The following DGKE variants were observed in gnomAD, a reference collection of about 807,000 sequenced individuals.
DGKE encodes the protein DAG kinase epsilon.
A neutral mutation model predicts 70.0 loss-of-function variants in DGKE; 53 were observed. The observed-to-expected ratio is 0.76, with a 90% CI of 0.61 to 0.95. DGKE has a LOEUF of 0.95. DGKE is among the 40% of genes least tolerant of loss of function. The pLI is 0.00. For missense variants in DGKE, 655 were observed against 706.9 expected (o/e 0.93, Z 0.83); for synonymous variants, 291 against 257.0 (o/e 1.13, Z -1.27).
rs546899197 is a variant in DGKE at position 56,849,947 on chromosome 17, G to A, written c.1098+715G>A. 8.5e-5 allele frequency among the ~76,000 whole-genome samples: 13 copies of A among 152,236 alleles called. No individual in the cohort carries two copies. The East Asian group carries it at 2.5e-3, about 29-fold the overall frequency. On this transcript the variant is annotated intron_variant, in intron 7 of 11. Transcript: ENST00000284061. The stretch of plus-strand genomic sequence containing the variant: ...TGAGGAATCTAGACTGGGTTAGGAA[G>A]TAAAATAAACTGGGGAGGGGGCAGG...
chr17:56,848,936 G>A (rs778291436), intron 6 of DGKE, 83 bp downstream of exon 6: 23 of 1,566,098 alleles, frequency 1.5e-5, no homozygotes, highest in Non-Finnish European at 1.8e-5. Context: ...TAGATGAAAT[G>A]TGCCATGTAA....
intron 9 of DGKE, 60 bp from the exon 10 acceptor site, chr17:56,861,731 A>G (rs1299097421): frequency 6.3e-7 from 1 of 1,592,964 alleles, no homozygotes; most frequent in Non-Finnish European, 8.5e-7. Flanking sequence ...GTGAATTCTA[A>G]ATGGATGTGT....
intron 7 of DGKE, among the ~76,000 whole-genome samples, chr17:56,855,925 G>A (rs1907912552): frequency 6.7e-6 from 1 of 149,796 alleles, no homozygotes; most frequent in South Asian, 2.1e-4. Flanking sequence ...AGAATTGCTT[G>A]AACCCGGGAG....
At chr17:56,862,422 C>G in intron 11 of DGKE, 171 bp downstream of exon 11, 1 of 867,922 alleles carries the variant, frequency 1.2e-6, no homozygotes, top group South Asian at 1.9e-5. Flanking sequence ...AAACATGGCT[C>G]AAGATCCATG....
rs1908412983 is a variant in DGKE at position 56,863,578 on chromosome 17, T to C, written c.*787T>C. The C allele has an allele frequency of 6.6e-6, 1 of 152,210 alleles. No individual in the cohort carries two copies. The highest frequency in any genetic ancestry group is 1.9e-4 in the East Asian group (1 of 5,202). 9.4% of individuals were successfully genotyped at this position (152,210 alleles called of 1,614,324 possible). On this transcript the variant is annotated 3_prime_UTR_variant, in exon 12 of 12. Coordinates refer to ENST00000284061, the MANE Select transcript of DGKE (RefSeq NM_003647.3). Reference sequence around the variant, plus strand: ...ACTGTTTATCAGCCGCTCTTTTTATTAAAAGACAGTGTCAACACTTCAAAA... The same window carrying C: ...ACTGTTTATCAGCCGCTCTTTTTATCAAAAGACAGTGTCAACACTTCAAAA...
At chr17:56,850,855 A>G (rs1490838176) in intron 7 of DGKE, among the ~76,000 whole-genome samples, 1 of 152,232 alleles carries the variant, frequency 6.6e-6, no homozygotes, top group Admixed American at 6.5e-5. Flanking sequence ...TAGGAATTCT[A>G]TGCTTACCTC....
At chr17:56,861,367 G>A (rs1034590862) in intron 9 of DGKE, among the ~76,000 whole-genome samples, 2 of 152,182 alleles carry the variant, frequency 1.3e-5, no homozygotes, top group African/African-American at 4.8e-5. Flanking sequence ...AGAGTTTTTG[G>A]TGCCAGTCCA....
chr17:56,835,336 G>A, intron 2 of DGKE, 77 bp downstream of exon 2: 1 of 1,407,938 alleles, frequency 7.1e-7, no homozygotes, highest in Admixed American at 2.3e-5. Flanking sequence ...GTAGAGGCCT[G>A]CTTTAATCTC....
chr17:56,851,761 T>G (rs1293961736), intron 7 of DGKE, among the ~76,000 whole-genome samples: 1 of 152,222 alleles, frequency 6.6e-6, no homozygotes, highest in South Asian at 2.1e-4. Flanking sequence ...GTGGGACTAA[T>G]GTTCTCAGAG....
chr17:56,862,873 CT>C lies in DGKE; in HGVS notation c.*83del. On this transcript the variant is annotated 3_prime_UTR_variant, in exon 12 of 12. Transcript: ENST00000284061. ...ATCCAAAAGTATTAATAGAAATTCT[CT>C]ATCAGCTATTCAGTCTTAATTTCAC... The C allele has an allele frequency of 8.1e-7, 1 of 1,235,432 alleles. No individual in the cohort carries two copies. The highest frequency in any genetic ancestry group is 3.3e-5 in the Admixed American group (1 of 30,032). The allele number at this position is 1,235,432 out of a possible 1,614,324, so 76.5% of individuals were successfully genotyped here. A position where few individuals can be genotyped will look rare whatever the true frequency, so the allele number is the denominator to read the frequency against.
Position 56,835,237 on chromosome 17 carries a change from C to T in DGKE, c.442C>T (p.Gln148Ter). ...CMVCKQQCGC[Q>*]PKLCDYRCIW... is the part of the protein sequence containing the mutation. ...GGTTTGCAAGCAGCAGTGTGGCTGT[C>T]AACCCAAGCTTTGCGATTACAGGTA... is the stretch of plus-strand genomic sequence containing the variant. Residue 148 changes from glutamine (Q) to a stop codon, truncating the protein, a stop_gained, in exon 2 of 12, where the codon CAA becomes TAA. Transcript: ENST00000284061. LOFTEE classifies it high-confidence loss of function. 6.2e-7 allele frequency: 1 copy of T among 1,611,998 alleles called. No homozygotes were observed. The highest frequency in any genetic ancestry group is 8.5e-7 in the Non-Finnish European group (1 of 1,179,474).
In DGKE at chr17:56,865,483, G is replaced by A. The variant is rs1908493249; in HGVS notation, c.*2692G>A. 6.6e-6 allele frequency: 1 copy of A among 152,084 alleles called. No homozygotes were observed. Among genetic ancestry groups the A allele is most frequent in the South Asian group, 2.1e-4 (1 of 4,824 alleles). The allele number at this position is 152,084 out of a possible 1,614,324, so 9.4% of individuals were successfully genotyped here. A position where few individuals can be genotyped will look rare whatever the true frequency, so the allele number is the denominator to read the frequency against. On this transcript the variant is annotated 3_prime_UTR_variant, in exon 12 of 12. Transcript: ENST00000284061. ...ATGATAATTTTCAGTGTTTCGTCAT[G>A]TTTAATAGAAATCAAACTGACTTGT...
chr17:56,851,578 C>T (rs1243915071), intron 7 of DGKE, among the ~76,000 whole-genome samples: 1 of 152,166 alleles, frequency 6.6e-6, no homozygotes, highest in Non-Finnish European at 1.5e-5. Flanking sequence ...CTTTTGGATG[C>T]AAAGTTCACA....
chr17:56,849,400 G>T (rs1310492029), intron 7 of DGKE, among the ~76,000 whole-genome samples, 168 bp downstream of exon 7: 1 of 152,186 alleles, frequency 6.6e-6, no homozygotes, highest in Non-Finnish European at 1.5e-5. Context: ...TGTGTTATGG[G>T]AGAGAACAGG....
chr17:56,838,837 C>T (rs995116476), intron 2 of DGKE: 1 of 151,960 alleles, frequency 6.6e-6, no homozygotes, highest in Non-Finnish European at 1.5e-5. Flanking sequence ...GAAGTATATA[C>T]GTACATTTCA....
At chr17:56,862,284 G>A (rs1908339673) in intron 11 of DGKE, 33 bp downstream of exon 11, 1 of 1,570,740 alleles carries the variant, frequency 6.4e-7, no homozygotes, top group Admixed American at 1.7e-5. Flanking sequence ...AGGCTAATTT[G>A]TCCCAATCCA....
rs1467392441 is a variant in DGKE at position 56,866,597 on chromosome 17, A to G, written c.*3806A>G. 1 of 152,264 alleles carries G rather than the reference A, an allele frequency of 6.6e-6. No individual in the cohort carries two copies. The highest frequency in any genetic ancestry group is 1.9e-4 in the East Asian group (1 of 5,204). 9.4% of individuals were successfully genotyped at this position (152,264 alleles called of 1,614,324 possible). ...TTGATATATTTGTCTGAACTCTGTT[A>G]CATAAAAATTGGTATGATTCATATG... is the stretch of plus-strand genomic sequence containing the variant. On this transcript the variant is annotated 3_prime_UTR_variant, in exon 12 of 12. Coordinates refer to ENST00000284061, the MANE Select transcript of DGKE (RefSeq NM_003647.3).
At chr17:56,836,783 A>G (rs936827410) in intron 2 of DGKE, among the ~76,000 whole-genome samples, 2 of 152,226 alleles carry the variant, frequency 1.3e-5, no homozygotes, top group African/African-American at 2.4e-5. Context: ...AGTTTTATCT[A>G]CCACCACCTG....
At chr17:56,843,408 T>A (rs1907102854) in intron 2 of DGKE, among the ~76,000 whole-genome samples, 1 of 152,158 alleles carries the variant, frequency 6.6e-6, no homozygotes, top group South Asian at 2.1e-4. Flanking sequence ...CACTGTACGC[T>A]TTTGAGAGGT....
Sources: gnomAD v4.1 joint callset for allele counts (sites outside exome capture counted in the v4.1 genomes callset) on GRCh38, gnomAD v4.1.1 for gene constraint, MANE v1.5 for transcripts, NCBI Gene and HGNC (gene_info 2026-07-23, HGNC 2026-07-21) for gene names.